VDR: variants seen among roughly 807,000 people sequenced by gnomAD.
VDR encodes vitamin D receptor.
VDR carries 19 observed loss-of-function variants against 39.7 expected under a neutral mutation model. The ratio of observed to expected loss-of-function variants is 0.48; its 90% CI spans 0.33 to 0.70. The LOEUF is 0.70. Ranked by LOEUF, VDR falls within the 30% of genes least tolerant of loss-of-function variation. The pLI, the probability that VDR is intolerant of heterozygous loss-of-function variation, is 0.02. For synonymous variants in VDR, 242 were observed against 215.8 expected (o/e 1.12, Z -1.07); for missense variants, 442 against 570.5 (o/e 0.77, Z 2.29).
intron 3 of VDR, among the ~76,000 whole-genome samples, chr12:47,869,767 T>C (rs1471389287): frequency 2.0e-5 from 3 of 151,956 alleles, no homozygotes; most frequent in Admixed American, 1.3e-4. Flanking sequence ...CATGGTGGCA[T>C]GCGCCTGTGG....
chr12:47,904,461 G>GAAAAAAAAAAAAAAAA (rs1592163511), intron 1 of VDR: 1 of 472,276 alleles, frequency 2.1e-6, no homozygotes, highest in East Asian at 6.1e-5. Flanking sequence ...TCAAAGAAAA[G>GAAAAAAAAAAAAAAAA]TAAAAAAAAA....
intron 7 of VDR, among the ~76,000 whole-genome samples, chr12:47,854,173 G>A (rs1945439551): frequency 6.6e-6 from 1 of 152,114 alleles, no homozygotes; most frequent in South Asian, 2.1e-4. Context: ...CCAGGCTGGA[G>A]TGCAGTGGTG....
intron 3 of VDR, among the ~76,000 whole-genome samples, chr12:47,874,512 C>A (rs1945960600): frequency 6.6e-6 from 1 of 152,174 alleles, no homozygotes; most frequent in African/African-American, 2.4e-5. Context: ...CTACCTTTTG[C>A]CCCCTGCACT....
intron 1 of VDR, among the ~76,000 whole-genome samples, chr12:47,891,712 C>G (rs755642902): frequency 4.6e-5 from 7 of 152,232 alleles, no homozygotes; most frequent in Non-Finnish European, 7.3e-5. Flanking sequence ...TCACTGATTA[C>G]CACCCTTACA....
intron 3 of VDR, among the ~76,000 whole-genome samples, chr12:47,871,282 C>CTTTCTA (rs1945851709): frequency 8.3e-5 from 12 of 143,834 alleles, no homozygotes; most frequent in African/African-American, 3.0e-4. Context: ...TTTTCTCTTT[C>CTTTCTA]TTTCTCTTTC....
intron 3 of VDR, among the ~76,000 whole-genome samples, chr12:47,873,312 C>T (rs1423962867): frequency 6.6e-6 from 1 of 151,318 alleles, no homozygotes; most frequent in African/African-American, 2.4e-5. Context: ...CTGAGGCCTC[C>T]CCATCCATGC....
rs1416964833 is a variant in VDR, at chr12:47,879,107, C to T, written c.7G>A (p.Ala3Thr). 6.2e-7 allele frequency: 1 copy of T among 1,613,966 alleles called. No individual in the cohort carries two copies. The highest frequency in any genetic ancestry group is 2.2e-5 in the East Asian group (1 of 44,880). MEAMAASTSLPDP... is the reference protein window; with the variant it reads METMAASTSLPDP... Reference sequence around the variant, plus strand: ...GGCAGGGAAGTGCTGGCCGCCATTGCCTCCATCCCTGTAAGAACAGCAAGC... The same window carrying T: ...GGCAGGGAAGTGCTGGCCGCCATTGTCTCCATCCCTGTAAGAACAGCAAGC... Residue 3 changes from alanine to threonine, a missense_variant, in exon 3 of 10, where the codon GCA (alanine) becomes ACA (threonine). Physicochemically the swap from Ala to Thr is moderately conservative, Grantham distance 58. This residue lies in a region of VDR where 141 missense variants were observed against 141.3 expected (regional missense o/e 1.00). Coordinates refer to ENST00000549336, the MANE Select transcript of VDR (RefSeq NM_000376.3).
chr12:47,863,584 C>G (rs370993981), intron 4 of VDR, among the ~76,000 whole-genome samples: 1 of 152,198 alleles, frequency 6.6e-6, no homozygotes, highest in Non-Finnish European at 1.5e-5. Flanking sequence ...GTGTGTGAAG[C>G]CTCTTAAGGC....
intron 2 of VDR, among the ~76,000 whole-genome samples, chr12:47,881,936 C>T (rs1592139219): frequency 1.3e-5 from 2 of 152,260 alleles, no homozygotes; most frequent in East Asian, 3.9e-4. Context: ...CGTGGTGTTG[C>T]TACAGAGTCT....
intron 1 of VDR, among the ~76,000 whole-genome samples, chr12:47,904,410 G>GA (rs201840310): frequency 7.9e-5 from 9 of 113,716 alleles, no homozygotes; most frequent in East Asian, 2.8e-4. Flanking sequence ...AGGCTGTCCT[G>GA]AAAAAAAATA....
chr12:47,856,105 GA>G (rs1945482789), intron 6 of VDR, among the ~76,000 whole-genome samples: 2 of 152,152 alleles, frequency 1.3e-5, no homozygotes, highest in African/African-American at 4.8e-5. Context: ...TCAAGTCATG[GA>G]AAAAAATGTT....
chr12:47,886,837 G>T (rs1946264857), intron 1 of VDR, among the ~76,000 whole-genome samples: 2 of 152,188 alleles, frequency 1.3e-5, no homozygotes, highest in Admixed American at 6.5e-5. Flanking sequence ...CACTCTCTTT[G>T]GATGGCTCTA....
At chr12:47,845,223 A>G (rs1215657202) in intron 9 of VDR, among the ~76,000 whole-genome samples, 1 of 151,812 alleles carries the variant, frequency 6.6e-6, no homozygotes, top group African/African-American at 2.4e-5. Flanking sequence ...CCATGGGCGC[A>G]CCTGGCCCTG....
At position 47,843,710 on chromosome 12, in the gene VDR, GC is replaced by G. The variant is rs1945214728; in HGVS notation, c.*1035del. Reference sequence around the variant, plus strand: ...TGGGGTGCGGCAGCGCTAGCTCTTAGCCCTGTGGGTGAACAGCGGCCTTGCA... The same window carrying G: ...TGGGGTGCGGCAGCGCTAGCTCTTAGCCTGTGGGTGAACAGCGGCCTTGCA... On this transcript the variant is annotated 3_prime_UTR_variant, in exon 10 of 10. Transcript: ENST00000549336. The G allele has an allele frequency of 6.6e-6, 1 of 152,332 alleles. No individual in the cohort carries two copies. Among genetic ancestry groups the G allele is most frequent in the Admixed American group, 6.5e-5 (1 of 15,288 alleles). 9.4% of individuals were successfully genotyped at this position (152,332 alleles called of 1,614,324 possible).
intron 3 of VDR, among the ~76,000 whole-genome samples, chr12:47,878,113 T>C (rs1471478356): frequency 1.3e-5 from 2 of 152,254 alleles, no homozygotes; most frequent in African/African-American, 4.8e-5. Context: ...GGACTTGATT[T>C]GTGCTTTCCT....
chr12:47,902,922 G>A (rs535152242), intron 1 of VDR, among the ~76,000 whole-genome samples: 2 of 152,316 alleles, frequency 1.3e-5, no homozygotes, highest in African/African-American at 2.4e-5. Flanking sequence ...GGGGTAGAGT[G>A]TAGGGGTTCA....
intron 1 of VDR, among the ~76,000 whole-genome samples, chr12:47,892,073 C>A (rs1318004313): frequency 6.6e-6 from 1 of 152,234 alleles, no homozygotes; most frequent in Non-Finnish European, 1.5e-5. Flanking sequence ...CTCAGTGGGC[C>A]TGGACTTCTG....
chr12:47,844,773 G>C lies in VDR; in HGVS notation c.1257C>G (p.Leu419=), dbSNP rs550308645. ...AGGAGATCTCATTGCCAAACACTTC[G>C]AGCACAAGGGGCGTTAGCTTCATGC... is the stretch of plus-strand genomic sequence containing the variant. ...ECSMKLTPLV[L]EVFGNEIS Residue 419 remains leucine, a synonymous_variant, in exon 10 of 10, where the codon CTC becomes CTG. Coordinates refer to ENST00000549336, the MANE Select transcript of VDR (RefSeq NM_000376.3). 1.3e-5 allele frequency: 21 copies of C among 1,614,068 alleles called. No individual in the cohort carries two copies. In the African/African-American group the frequency reaches 2.0e-4, roughly 15 times the overall value.
chr12:47,846,758 T>G lies in VDR; in HGVS notation c.806A>C (p.Glu269Ala). 1 of 1,614,184 alleles carries G rather than the reference T, an allele frequency of 6.2e-7. No individual in the cohort carries two copies. The highest frequency in any genetic ancestry group is 1.3e-5 in the African/African-American group (1 of 75,036). ...CTCATTGGAGCGCAACATGATGACC[T>G]CAATGGCACTTGACTTCAGCAGTAC... ...QIVLLKSSAI[E>A]VIMLRSNESF... Residue 269 changes from glutamate (E) to alanine (A), a missense_variant, in exon 8 of 10, where the codon GAG becomes GCG. Glu to Ala is a moderately radical substitution (Grantham distance 107). Transcript: ENST00000549336.
Sources: allele counts gnomAD v4.1 joint callset (sites outside exome capture counted in the v4.1 genomes callset), GRCh38; gene constraint gnomAD v4.1.1; regional missense constraint gnomAD v4.1.1; transcripts MANE v1.5; gene names NCBI Gene and HGNC (gene_info 2026-07-23, HGNC 2026-07-21).